AFAP1L2: variants seen among roughly 807,000 people sequenced by gnomAD.
AFAP1L2 encodes the protein actin filament associated protein 1 like 2.
A neutral mutation model predicts 99.3 loss-of-function variants in AFAP1L2; 46 were observed. The ratio of observed to expected loss-of-function variants is 0.46; its 90% CI spans 0.37 to 0.59. The LOEUF (loss-of-function observed/expected upper bound fraction) is 0.59, where lower values mean the gene tolerates loss of function less well. AFAP1L2 is among the 20% of genes least tolerant of loss of function. The probability of loss-of-function intolerance (pLI) is 0.00; values close to 1 mark genes in which losing one functional copy is unlikely to be tolerated. For synonymous variants in AFAP1L2, 397 were observed against 419.1 expected, an observed-to-expected ratio of 0.95 and a Z score of 0.64; for missense variants, 959 against 1,034.9, an observed-to-expected ratio of 0.93 and a Z score of 1.01.
intron 1 of AFAP1L2, among the ~76,000 whole-genome samples, chr10:114,364,649 A>C (rs2052939851): frequency 6.6e-6 from 1 of 152,092 alleles, no homozygotes; most frequent in African/African-American, 2.4e-5. Context: ...ACCCTTTTCC[A>C]ATCACATTCC....
chr10:114,368,038 C>G (rs2053538515), intron 1 of AFAP1L2, among the ~76,000 whole-genome samples: 1 of 152,116 alleles, frequency 6.6e-6, no homozygotes. Context: ...CAGCACTGTC[C>G]TACTTGATAC....
At chr10:114,309,561 A>G (rs1037341336) in intron 8 of AFAP1L2, among the ~76,000 whole-genome samples, 2 of 152,182 alleles carry the variant, frequency 1.3e-5, no homozygotes, top group Non-Finnish European at 2.9e-5. Context: ...CCCACAGGTG[A>G]TGATCCTCCT....
chr10:114,323,549 T>C (rs2045729083), intron 4 of AFAP1L2, among the ~76,000 whole-genome samples: 1 of 152,076 alleles, frequency 6.6e-6, no homozygotes, highest in African/African-American at 2.4e-5. Context: ...ACACAAAATA[T>C]CATTATGTAC....
At chr10:114,374,366 C>G (rs1480380851) in intron 1 of AFAP1L2, among the ~76,000 whole-genome samples, 1 of 152,198 alleles carries the variant, frequency 6.6e-6, no homozygotes, top group Non-Finnish European at 1.5e-5. Context: ...ACCTCTGGCA[C>G]AGAACCATAA....
chr10:114,315,815 C>A, intron 5 of AFAP1L2, 50 bp from the exon 6 acceptor site: 1 of 1,550,662 alleles, frequency 6.4e-7, no homozygotes, highest in East Asian at 2.3e-5. Flanking sequence ...GGGGACAGTC[C>A]TGAAGCAGCA....
At chr10:114,333,415 C>A in intron 2 of AFAP1L2, 120 bp from the exon 3 acceptor site, 1 of 717,300 alleles carries the variant, frequency 1.4e-6, no homozygotes, top group Non-Finnish European at 2.4e-6. Context: ...AAGCACACAG[C>A]ATTTTCAGTG....
In AFAP1L2 at chr10:114,304,956, A is replaced by AG. The variant is rs201784596; in HGVS notation, c.1073-27dup. The AG allele has an allele frequency of 4.3e-4, 548 of 1,277,364 alleles. 4 individuals are homozygous for AG. The African/African-American group carries it at 8.3e-3, about 19-fold the overall frequency. The allele number at this position is 1,277,364 out of a possible 1,614,324, so 79.1% of individuals were successfully genotyped here. ...CTGCAGGAGGAAGTGCAGATGCAGG[A>AG]GGGGACAGGGCTGCAGGAGGGGACG... On this transcript the variant is annotated intron_variant, in intron 10 of 18. Coordinates refer to ENST00000304129, the MANE Select transcript of AFAP1L2 (RefSeq NM_001001936.3).
intron 1 of AFAP1L2, among the ~76,000 whole-genome samples, chr10:114,367,589 A>AT (rs988462313): frequency 7.2e-5 from 11 of 152,350 alleles, no homozygotes; most frequent in African/African-American, 2.6e-4. Context: ...AAAGCAGCTG[A>AT]TAACAGGGGA....
At chr10:114,346,952 G>A (rs868602196) in intron 1 of AFAP1L2, among the ~76,000 whole-genome samples, 5 of 152,088 alleles carry the variant, frequency 3.3e-5, no homozygotes, top group East Asian at 1.9e-4. Context: ...AACCATAAAC[G>A]TCTTCCCAAC....
chr10:114,333,172 C>A lies in AFAP1L2; in HGVS notation c.220+49G>T, dbSNP rs371625818. 3.1e-5 allele frequency: 48 copies of A among 1,528,474 alleles called. No homozygotes were observed. In the African/African-American group the frequency reaches 5.9e-4, roughly 19 times the overall value. The allele number at this position is 1,528,474 out of a possible 1,614,324, so 94.7% of individuals were successfully genotyped here. ...GACAGAACCAGCTTGGACCTTCCCC[C>A]ATCCCAGGAGTGGCCATCATACCAG... On this transcript the variant is annotated intron_variant, in intron 3 of 18. Transcript: ENST00000304129.
chr10:114,355,558 AAAG>A (rs995849684), intron 1 of AFAP1L2, among the ~76,000 whole-genome samples: 1 of 152,060 alleles, frequency 6.6e-6, no homozygotes, highest in African/African-American at 2.4e-5. Context: ...AAAAAAAAAA[AAAG>A]TTTTGCTGAG....
At position 114,315,856 on chromosome 10, in the gene AFAP1L2, A is replaced by C. The variant is rs537865321; in HGVS notation, c.407-91T>G. The C allele has an allele frequency of 1.3e-4, 171 of 1,287,444 alleles. No individual in the cohort carries two copies. In the African/African-American group the frequency reaches 1.7e-3, roughly 13 times the overall value. The allele number at this position is 1,287,444 out of a possible 1,614,324, so 79.8% of individuals were successfully genotyped here. ...GGGGAGGGCAGCAGGCAGGAGCAGCAGCAGCCAGACCACAGCCCCCGACTC... is the reference window on the plus strand; with the variant it reads ...GGGGAGGGCAGCAGGCAGGAGCAGCCGCAGCCAGACCACAGCCCCCGACTC... On this transcript the variant is annotated intron_variant, in intron 5 of 18. Transcript: ENST00000304129.
chr10:114,299,482 T>TC, intron 15 of AFAP1L2, 67 bp from the exon 16 acceptor site: 1 of 1,586,176 alleles, frequency 6.3e-7, no homozygotes, highest in Non-Finnish European at 8.6e-7. Flanking sequence ...CCCAGTCTAC[T>TC]CCCCAGGCTC....
At chr10:114,354,978 G>T (rs1255653596) in intron 1 of AFAP1L2, among the ~76,000 whole-genome samples, 1 of 152,126 alleles carries the variant, frequency 6.6e-6, no homozygotes, top group Non-Finnish European at 1.5e-5. Flanking sequence ...CCTATATAAG[G>T]CATACCCCAA....
At chr10:114,354,009 G>A (rs1329802293) in intron 1 of AFAP1L2, among the ~76,000 whole-genome samples, 2 of 152,164 alleles carry the variant, frequency 1.3e-5, no homozygotes, top group Non-Finnish European at 2.9e-5. Context: ...TAGCCTGATG[G>A]GAGATACAAG....
downstream of AFAP1L2, among the ~76,000 whole-genome samples, chr10:114,290,819 G>A (rs2039518193): frequency 6.6e-6 from 1 of 152,196 alleles, no homozygotes; most frequent in African/African-American, 2.4e-5. Context: ...AGTAAAATGG[G>A]AGGAACAGCT....
intron 2 of AFAP1L2, among the ~76,000 whole-genome samples, chr10:114,335,138 G>A (rs536616775): frequency 6.6e-6 from 1 of 152,036 alleles, no homozygotes; most frequent in African/African-American, 2.4e-5. Context: ...TACTGAAGAG[G>A]GTATAAATTG....
At chr10:114,319,742 A>C in intron 5 of AFAP1L2, 1 of 909,174 alleles carries the variant, frequency 1.1e-6, no homozygotes, top group Admixed American at 2.5e-5. Context: ...AGAGAGACCC[A>C]GATGTGGCAA....
At chr10:114,330,439 A>C (rs928251559) in intron 4 of AFAP1L2, among the ~76,000 whole-genome samples, 2 of 152,210 alleles carry the variant, frequency 1.3e-5, no homozygotes, top group Non-Finnish European at 1.5e-5. Context: ...ACCTGGGTTC[A>C]AATGCTGACT....
Sources: gnomAD v4.1 joint callset for allele counts (sites outside exome capture counted in the v4.1 genomes callset) on GRCh38, gnomAD v4.1.1 for gene constraint, MANE v1.5 for transcripts, NCBI Gene and HGNC (gene_info 2026-07-23, HGNC 2026-07-21) for gene names.